The following PLXNA2 variants were observed in gnomAD, a reference collection of about 807,000 sequenced individuals.
PLXNA2 encodes plexin A2, also known as plexin-A2.
Under a neutral mutation model 193.5 loss-of-function variants are expected in PLXNA2, and 91 were observed. The observed-to-expected ratio is 0.47, with a 90% CI of 0.40 to 0.56. The LOEUF (loss-of-function observed/expected upper bound fraction) is 0.56, where lower values mean the gene tolerates loss of function less well. Among genes scored for constraint, PLXNA2 ranks in the 20% least tolerant of loss-of-function variants. The pLI is 0.00. For synonymous variants in PLXNA2, 997 were observed against 1,027.3 expected, an observed-to-expected ratio of 0.97 and a Z score of 0.56; for missense variants, 1,995 against 2,503.2, an observed-to-expected ratio of 0.80 and a Z score of 4.33.
Position 208,242,009 on chromosome 1 carries a change from G to C in PLXNA2, c.-81+1634C>G, listed in dbSNP as rs552944941. 3.3e-5 allele frequency among the ~76,000 whole-genome samples: 5 copies of C among 152,324 alleles called. No homozygotes were observed. In the East Asian group the frequency reaches 7.7e-4, roughly 24 times the overall value. ...AGGTAATTAGTTCAAATGGTGCTCCGTGAAGAGAGAGGGAAGTTAATGAAT... is the reference window on the plus strand; with the variant it reads ...AGGTAATTAGTTCAAATGGTGCTCCCTGAAGAGAGAGGGAAGTTAATGAAT... On this transcript the variant is annotated intron_variant, in intron 1 of 31. Transcript: ENST00000367033.
chr1:208,211,690 C>T (rs1345030403), intron 2 of PLXNA2, among the ~76,000 whole-genome samples: 6 of 88,224 alleles, frequency 6.8e-5, no homozygotes, highest in African/African-American at 2.1e-4. Flanking sequence ...GAGACTCCGT[C>T]TCAAAAAAAA....
intron 3 of PLXNA2, among the ~76,000 whole-genome samples, chr1:208,151,750 G>A (rs1339442951): frequency 6.6e-6 from 1 of 152,228 alleles, no homozygotes; most frequent in Non-Finnish European, 1.5e-5. Context: ...CATGTTAAGT[G>A]TCTATTGCAG....
At chr1:208,210,581 G>A (rs1161874788) in intron 2 of PLXNA2, 119 bp from the exon 3 acceptor site, 4 of 787,264 alleles carry the variant, frequency 5.1e-6, no homozygotes, top group Admixed American at 5.9e-5. Context: ...GCAGACATGG[G>A]AGTTCAGGGG....
intron 3 of PLXNA2, among the ~76,000 whole-genome samples, chr1:208,144,272 T>C (rs1193237240): frequency 2.0e-5 from 3 of 152,202 alleles, no homozygotes; most frequent in Non-Finnish European, 4.4e-5. Flanking sequence ...GGATGTGTTT[T>C]CAGTTCTTAT....
In PLXNA2 at chr1:208,039,645, C is replaced by A; in HGVS notation, c.4476G>T (p.Arg1492=). 6.2e-7 allele frequency: 1 copy of A among 1,614,086 alleles called. No homozygotes were observed. The highest frequency in any genetic ancestry group is 8.5e-7 in the Non-Finnish European group (1 of 1,180,036). ...CCAGGGTCTTGTACTCGATCTGCTG[C>A]CGGATGAGCTTGTCCTCGCTCAGGG... The part of the protein sequence containing the change: ...RYSLSEDKLI[R]QQIEYKTLIL... Residue 1492 remains arginine (R), a synonymous_variant, in exon 24 of 32, where the codon CGG becomes CGT. Transcript: ENST00000367033.
At chr1:208,152,581 T>A (rs1019886076) in intron 3 of PLXNA2, among the ~76,000 whole-genome samples, 6 of 152,064 alleles carry the variant, frequency 3.9e-5, no homozygotes, top group Non-Finnish European at 5.9e-5. Flanking sequence ...CTTGCTTAAC[T>A]CAGTCTCCTA....
intron 12 of PLXNA2, among the ~76,000 whole-genome samples, chr1:208,077,249 C>T (rs1162889337): frequency 6.6e-6 from 1 of 152,140 alleles, no homozygotes; most frequent in East Asian, 1.9e-4. Context: ...TGAAAAGTAC[C>T]AGCAGGAGAT....
intron 4 of PLXNA2, among the ~76,000 whole-genome samples, chr1:208,110,544 G>A (rs536471112): frequency 3.3e-4 from 50 of 152,336 alleles, no homozygotes; most frequent in Non-Finnish European, 5.3e-4. Flanking sequence ...ACAGCTGCAT[G>A]TATCCAGTAT....
At chr1:208,159,472 C>T (rs987776416) in intron 3 of PLXNA2, among the ~76,000 whole-genome samples, 1 of 152,204 alleles carries the variant, frequency 6.6e-6, no homozygotes, top group Non-Finnish European at 1.5e-5. Flanking sequence ...TGCCCCTGCT[C>T]TTTGCACAAT....
intron 3 of PLXNA2, among the ~76,000 whole-genome samples, chr1:208,149,742 A>C (rs765016318): frequency 2.6e-5 from 4 of 152,060 alleles, no homozygotes; most frequent in Admixed American, 6.6e-5. Flanking sequence ...ATTTTTGTAG[A>C]GCTTCATGAC....
At chr1:208,034,267 G>A (rs930303757) in intron 27 of PLXNA2, among the ~76,000 whole-genome samples, 7 of 152,228 alleles carry the variant, frequency 4.6e-5, no homozygotes, top group Non-Finnish European at 4.4e-5. Context: ...CTACCAGGCT[G>A]GGATATCAAA....
Position 208,231,152 on chromosome 1 carries a change from G to A in PLXNA2, c.-81+12491C>T, listed in dbSNP as rs185497678. 1.2e-3 allele frequency among the ~76,000 whole-genome samples: 184 copies of A among 152,204 alleles called. 3 individuals carry two copies. In the East Asian group the frequency reaches 0.028, roughly 23 times the overall value. On this transcript the variant is annotated intron_variant, in intron 1 of 31. Transcript: ENST00000367033. ...CCCACTGTGAGGGAGAGTGACGGGC[G>A]CAGTTTTCTGAGAGGTTGAGACAGG...
intron 1 of PLXNA2, among the ~76,000 whole-genome samples, chr1:208,221,442 G>A (rs1231681195): frequency 7.1e-6 from 1 of 140,662 alleles, no homozygotes; most frequent in Non-Finnish European, 1.5e-5. Flanking sequence ...ACTCCAGCTG[G>A]GCTGTTTTCC....
rs1664404361 is a variant in PLXNA2 at position 208,028,487 on chromosome 1, C to A, written c.5439-328G>T. ...GTGTGACGCAGGGCAAGTTATTTACCCTCTCTGTACCTCAGTTTCCTTATC... is the reference window on the plus strand; with the variant it reads ...GTGTGACGCAGGGCAAGTTATTTACACTCTCTGTACCTCAGTTTCCTTATC... On this transcript the variant is annotated intron_variant, in intron 30 of 31. Coordinates refer to ENST00000367033, the MANE Select transcript of PLXNA2 (RefSeq NM_025179.4). The surrounding 1 kb of genome is among the most constrained non-coding windows in gnomAD (Gnocchi z 4.2). Among the ~76,000 whole-genome samples, 1 of 152,136 alleles carries A rather than the reference C, an allele frequency of 6.6e-6. No individual in the cohort carries two copies. The highest frequency in any genetic ancestry group is 2.1e-4 in the South Asian group (1 of 4,818).
intron 4 of PLXNA2, among the ~76,000 whole-genome samples, chr1:208,118,453 G>T (rs1340864413): frequency 6.6e-6 from 1 of 152,238 alleles, no homozygotes; most frequent in Non-Finnish European, 1.5e-5. Context: ...AAGCTGGTCT[G>T]CTGAAGATAA....
At chr1:208,241,481 C>A (rs757644588) in intron 1 of PLXNA2, among the ~76,000 whole-genome samples, 3 of 152,318 alleles carry the variant, frequency 2.0e-5, no homozygotes, top group South Asian at 4.1e-4. Context: ...AGCCAGCCCC[C>A]CTGTCCTGCT....
At chr1:208,094,892 C>A (rs1666829779) in intron 8 of PLXNA2, among the ~76,000 whole-genome samples, 1 of 152,220 alleles carries the variant, frequency 6.6e-6, no homozygotes, top group African/African-American at 2.4e-5. Flanking sequence ...TTATTTGCCT[C>A]TTCTAATGAC....
chr1:208,235,643 T>A lies in PLXNA2; in HGVS notation c.-81+8000A>T, dbSNP rs552925076. Among the ~76,000 whole-genome samples, 3 of 152,158 alleles carry A rather than the reference T, an allele frequency of 2.0e-5. 1 individual carries two copies. The South Asian group carries it at 6.2e-4, about 32-fold the overall frequency. On this transcript the variant is annotated intron_variant, in intron 1 of 31. Transcript: ENST00000367033. ...CAACAGGTGAGAAATCTTTAGGAAG[T>A]GGGAAGGGCTACAAGTGTGAAGGCA...
chr1:208,185,631 C>A (rs1016845704), intron 3 of PLXNA2, among the ~76,000 whole-genome samples: 1 of 124,350 alleles, frequency 8.0e-6, no homozygotes, highest in Non-Finnish European at 1.6e-5. Flanking sequence ...CCCCTGGCAA[C>A]ACAAAACACA....
Sources: gnomAD v4.1 joint callset for allele counts (sites outside exome capture counted in the v4.1 genomes callset) on GRCh38, gnomAD v4.1.1 for gene constraint, Gnocchi (gnomAD v3.1) non-coding constraint, MANE v1.5 for transcripts, NCBI Gene and HGNC (gene_info 2026-07-23, HGNC 2026-07-21) for gene names.